The following PLXNA2 variants were observed in gnomAD, a reference collection of about 807,000 sequenced individuals.
PLXNA2 encodes the protein plexin A2.
In PLXNA2, 91 loss-of-function variants were observed where a neutral mutation model predicts 193.5. The observed-to-expected ratio is 0.47, with a 90% CI of 0.40 to 0.56. PLXNA2 has a LOEUF of 0.56. PLXNA2 is among the 20% of genes least tolerant of loss of function. The pLI, the probability that PLXNA2 is intolerant of heterozygous loss-of-function variation, is 0.00. For missense variants in PLXNA2, 1,995 were observed against 2,503.2 expected (o/e 0.80, Z 4.33); for synonymous variants, 997 against 1,027.3 (o/e 0.97, Z 0.56).
Position 208,063,549 on chromosome 1 carries a change from C to T in PLXNA2, c.2587-2712G>A, listed in dbSNP as rs578110808. On this transcript the variant is annotated intron_variant, in intron 12 of 31. Transcript: ENST00000367033. ...AGCTAGCAGCTGGGGGAATCCAAGC[C>T]GGGAGAATGAGTGTCCTTGTGGGTC... Among the ~76,000 whole-genome samples, 17 of 152,240 alleles carry T rather than the reference C, an allele frequency of 1.1e-4. No individual in the cohort carries two copies. The South Asian group carries it at 3.5e-3, about 32-fold the overall frequency.
In PLXNA2 at chr1:208,217,581, G is replaced by A; in HGVS notation, c.342C>T (p.Asn114=). Residue 114 remains asparagine (N), a synonymous_variant, in exon 2 of 32, where the codon AAC becomes AAT. Coordinates refer to ENST00000367033, the MANE Select transcript of PLXNA2 (RefSeq NM_025179.4). This position sits in a 1 kb window ranked among gnomAD's most constrained non-coding sequence, Gnocchi z 4.7. ...CAGAGTAGTCAATGATGAGCAGCTT[G>A]TTGACATTGTTGGTGAGGGTGAGCA... ...SEVLTLTNNV[N]KLLIIDYSEN... The A allele has an allele frequency of 6.2e-7, 1 of 1,614,212 alleles. No individual in the cohort carries two copies. Among genetic ancestry groups the A allele is most frequent in the Non-Finnish European group, 8.5e-7 (1 of 1,180,034 alleles).
chr1:208,055,744 G>A (rs180968334), intron 13 of PLXNA2, among the ~76,000 whole-genome samples: 100 of 152,236 alleles, frequency 6.6e-4, no homozygotes, highest in African/African-American at 2.3e-3. Flanking sequence ...ATTTCATTTC[G>A]ATGTAATAAA....
intron 11 of PLXNA2, among the ~76,000 whole-genome samples, chr1:208,080,307 T>G (rs985825452): frequency 1.3e-5 from 2 of 151,986 alleles, no homozygotes; most frequent in African/African-American, 4.8e-5. Flanking sequence ...ACATTTGGAG[T>G]GTGCAAACCC....
chr1:208,032,489 T>C (rs74152121), intron 28 of PLXNA2, among the ~76,000 whole-genome samples: 4,021 of 152,288 alleles, frequency 0.026, 161 homozygotes, highest in African/African-American at 0.093. Context: ...TCGTGGAATA[T>C]TTCTGGGCCA....
chr1:208,068,068 C>T (rs771117861), intron 12 of PLXNA2, among the ~76,000 whole-genome samples: 1 of 152,198 alleles, frequency 6.6e-6, no homozygotes, highest in African/African-American at 2.4e-5. Flanking sequence ...TCCAGGACCA[C>T]AATTGCCACA....
At chr1:208,174,436 G>A (rs1280988296) in intron 3 of PLXNA2, among the ~76,000 whole-genome samples, 1 of 152,016 alleles carries the variant, frequency 6.6e-6, no homozygotes, top group African/African-American at 2.4e-5. Context: ...GGTAAGGGCT[G>A]TGGAGGGAGG....
In PLXNA2 at chr1:208,082,605, A is replaced by G; in HGVS notation, c.2299-97T>C. Reference sequence around the variant, plus strand: ...CCTGCATGCTGCTCAGATTATTATGACGCTCTTTCCCTGAATCCCAGTCAC... The same window carrying G: ...CCTGCATGCTGCTCAGATTATTATGGCGCTCTTTCCCTGAATCCCAGTCAC... On this transcript the variant is annotated intron_variant, in intron 10 of 31. Coordinates refer to ENST00000367033, the MANE Select transcript of PLXNA2 (RefSeq NM_025179.4). The surrounding 1 kb of genome is among the most constrained non-coding windows in gnomAD (Gnocchi z 4.2). 1 of 848,240 alleles carries G rather than the reference A, an allele frequency of 1.2e-6. No individual in the cohort carries two copies. Among genetic ancestry groups the G allele is most frequent in the South Asian group, 1.4e-5 (1 of 70,476 alleles). The allele number at this position is 848,240 out of a possible 1,614,324, so 52.5% of individuals were successfully genotyped here.
At chr1:208,153,836 A>G (rs1265613345) in intron 3 of PLXNA2, among the ~76,000 whole-genome samples, 2 of 152,212 alleles carry the variant, frequency 1.3e-5, no homozygotes, top group Non-Finnish European at 2.9e-5. Flanking sequence ...GCAGAGCCCA[A>G]GGGCAGAACA....
At chr1:208,123,170 C>G (rs563289097) in intron 4 of PLXNA2, among the ~76,000 whole-genome samples, 1 of 152,202 alleles carries the variant, frequency 6.6e-6, no homozygotes, top group African/African-American at 2.4e-5. Context: ...TGGAATCATA[C>G]AGTACGTGAT....
At chr1:208,195,381 T>A (rs1670323682) in intron 3 of PLXNA2, among the ~76,000 whole-genome samples, 1 of 152,116 alleles carries the variant, frequency 6.6e-6, no homozygotes, top group South Asian at 2.1e-4. Context: ...TTGGCCCCAA[T>A]CTCTTGACTC....
At chr1:208,053,220 T>TTGCATCAGCCA (rs1022891867) in intron 14 of PLXNA2, among the ~76,000 whole-genome samples, 1 of 152,228 alleles carries the variant, frequency 6.6e-6, no homozygotes, top group East Asian at 1.9e-4. Context: ...GAATTCTAGT[T>TTGCATCAGCCA]TGCATCAGCC....
intron 3 of PLXNA2, among the ~76,000 whole-genome samples, chr1:208,166,422 C>T (rs1056284686): frequency 6.6e-6 from 1 of 152,222 alleles, no homozygotes; most frequent in Non-Finnish European, 1.5e-5. Context: ...CCTGCAGGTA[C>T]TTCCTGAAGA....
At position 208,217,070 on chromosome 1, in the gene PLXNA2, T is replaced by C. The variant is rs144365538; in HGVS notation, c.853A>G (p.Lys285Glu). 1.5e-4 allele frequency: 243 copies of C among 1,613,972 alleles called. No homozygotes were observed. The highest frequency in any genetic ancestry group is 9.9e-4 in the Middle Eastern group (6 of 6,062). The change falls in exon 2 of 32, where the codon AAG becomes GAG. Residue 285 changes from lysine (K) to glutamate (E), a missense_variant. Physicochemically the swap from Lys to Glu is moderately conservative, Grantham distance 56 (BLOSUM62 1). Around this residue, in one of 3 missense-constraint regions of PLXNA2, gnomAD observed 702 missense variants for 812.9 expected, o/e 0.86. Transcript: ENST00000367033. This position sits in a 1 kb window ranked among gnomAD's most constrained non-coding sequence, Gnocchi z 4.7. ...FYTSRIVRLC[K>E]DDPKFHSYVS... ...TATGAGTGGAACTTGGGGTCATCCTTGCAGAGCCGCACGATGCGTGAGGTG... is the reference window on the plus strand; with the variant it reads ...TATGAGTGGAACTTGGGGTCATCCTCGCAGAGCCGCACGATGCGTGAGGTG...
In PLXNA2 at chr1:208,074,298, C is replaced by T. The variant is rs115969769; in HGVS notation, c.2586+4962G>A. On this transcript the variant is annotated intron_variant, in intron 12 of 31. Coordinates refer to ENST00000367033, the MANE Select transcript of PLXNA2 (RefSeq NM_025179.4). ...GGGAACGGAAACGTGGCGGGCCAGC[C>T]ATCTCATGGGCTTTCCAATCCTCTG... 7.9e-3 allele frequency among the ~76,000 whole-genome samples: 1,197 copies of T among 152,246 alleles called. 17 individuals are homozygous for T. The highest frequency in any genetic ancestry group is 0.027 in the African/African-American group (1,109 of 41,558).
intron 3 of PLXNA2, among the ~76,000 whole-genome samples, chr1:208,170,040 C>A (rs1041234603): frequency 2.6e-5 from 4 of 152,154 alleles, no homozygotes; most frequent in African/African-American, 9.7e-5. Flanking sequence ...ATATTCACCA[C>A]CTCTTCTCAG....
intron 21 of PLXNA2, among the ~76,000 whole-genome samples, chr1:208,042,652 C>A (rs150845886): frequency 6.6e-6 from 1 of 152,128 alleles, no homozygotes; most frequent in African/African-American, 2.4e-5. Context: ...ATAGGAGATG[C>A]CCCCTCAAAC....
chr1:208,148,779 G>A (rs2102493899), intron 3 of PLXNA2, among the ~76,000 whole-genome samples: 1 of 152,308 alleles, frequency 6.6e-6, no homozygotes, highest in East Asian at 1.9e-4. Context: ...AGCACGGGGG[G>A]CGGAGCAGCA....
At chr1:208,172,603 C>A (rs1669529442) in intron 3 of PLXNA2, among the ~76,000 whole-genome samples, 1 of 152,114 alleles carries the variant, frequency 6.6e-6, no homozygotes, top group South Asian at 2.1e-4. Flanking sequence ...CTTCTGAGTT[C>A]TTGGGTGGCA....
chr1:208,070,537 T>C (rs1665945390), intron 12 of PLXNA2, among the ~76,000 whole-genome samples: 2 of 152,230 alleles, frequency 1.3e-5, no homozygotes, highest in Non-Finnish European at 2.9e-5. Context: ...TTCTCTCCTC[T>C]GGCTCTGCAG....
Sources: allele counts gnomAD v4.1 joint callset (sites outside exome capture counted in the v4.1 genomes callset), GRCh38; gene constraint gnomAD v4.1.1; regional missense constraint gnomAD v4.1.1; non-coding constraint Gnocchi (gnomAD v3.1); transcripts MANE v1.5; gene names NCBI Gene and HGNC (gene_info 2026-07-23, HGNC 2026-07-21).